The following SDHC variants were observed in gnomAD, a reference collection of about 807,000 sequenced individuals.
SDHC encodes succinate dehydrogenase cytochrome b560 subunit, mitochondrial.
Under a neutral mutation model 22.6 loss-of-function variants are expected in SDHC, and 11 were observed. The observed-to-expected ratio is 0.49, with a 90% CI of 0.31 to 0.81. SDHC has a LOEUF of 0.81. SDHC is among the 30% of genes least tolerant of loss of function. The pLI, the probability that SDHC is intolerant of heterozygous loss-of-function variation, is 0.05. For synonymous variants in SDHC, 80 were observed against 77.8 expected (o/e 1.03, Z -0.15); for missense variants, 160 against 212.0 (o/e 0.75, Z 1.52).
chr1:161,356,644 C>T (rs1020330306), intron 4 of SDHC, 33 bp from the exon 5 acceptor site: 6 of 1,610,668 alleles, frequency 3.7e-6, no homozygotes, highest in Non-Finnish European at 5.1e-6. Flanking sequence ...AACTTATGAG[C>T]AGCTGTGACA....
chr1:161,362,463 A>G lies in SDHC; in HGVS notation c.*30A>G. 1 of 1,612,414 alleles carries G rather than the reference A, an allele frequency of 6.2e-7. No homozygotes were observed. On this transcript the variant is annotated 3_prime_UTR_variant, in exon 6 of 6. Transcript: ENST00000367975. ...AGGAGGCTCCCAGCATCATCTTCCT[A>G]CACATTATTACATTCACCCATCTTT...
At chr1:161,352,804 G>A (rs746316569) in intron 4 of SDHC, among the ~76,000 whole-genome samples, 7 of 152,002 alleles carry the variant, frequency 4.6e-5, no homozygotes, top group African/African-American at 4.8e-5. Flanking sequence ...GTGAAACCTC[G>A]TCTCTACTAA....
intron 1 of SDHC, among the ~76,000 whole-genome samples, chr1:161,318,527 G>C (rs566422029): frequency 6.6e-6 from 1 of 152,250 alleles, no homozygotes; most frequent in East Asian, 1.9e-4. Flanking sequence ...TAATGTTCAT[G>C]CTCCTTAAAC....
At chr1:161,322,589 C>A (rs1670876902) in intron 1 of SDHC, among the ~76,000 whole-genome samples, 1 of 148,462 alleles carries the variant, frequency 6.7e-6, no homozygotes, top group Admixed American at 6.7e-5. Context: ...TTTTTTGAGA[C>A]AAGGTCTAGC....
intron 4 of SDHC, among the ~76,000 whole-genome samples, chr1:161,344,616 A>C (rs1671832564): frequency 6.6e-6 from 1 of 152,206 alleles, no homozygotes; most frequent in Non-Finnish European, 1.5e-5. Context: ...GTATAACTAC[A>C]GCATTTTCTT....
chr1:161,326,657 G>A (rs189803976), intron 2 of SDHC: 12 of 129,376 alleles, frequency 9.3e-5, no homozygotes, highest in Admixed American at 7.2e-4. Context: ...ACAGAGTCTC[G>A]TTCTGTCGAC....
intron 4 of SDHC, among the ~76,000 whole-genome samples, chr1:161,343,571 A>C (rs1048253198): frequency 6.6e-6 from 1 of 152,116 alleles, no homozygotes; most frequent in Non-Finnish European, 1.5e-5. Flanking sequence ...ACCTGCTTGC[A>C]CTGAACTGGT....
chr1:161,339,660 G>GTTTTTTTTT, intron 3 of SDHC: 1 of 87,230 alleles, frequency 1.1e-5, no homozygotes. Context: ...CCTGATACAG[G>GTTTTTTTTT]TGTTTTTTTT....
intron 1 of SDHC, among the ~76,000 whole-genome samples, chr1:161,318,878 AC>A (rs1038988833): frequency 6.6e-6 from 1 of 152,066 alleles, no homozygotes; most frequent in African/African-American, 2.4e-5. Flanking sequence ...TACTAAAAAT[AC>A]AAAAATTTGC....
intron 4 of SDHC, among the ~76,000 whole-genome samples, chr1:161,347,380 A>T (rs1375739575): frequency 6.6e-6 from 1 of 151,828 alleles, no homozygotes; most frequent in Non-Finnish European, 1.5e-5. Context: ...CAGCCTTCCG[A>T]GTAGCTGGGA....
chr1:161,325,607 C>T (rs942221846), intron 2 of SDHC, among the ~76,000 whole-genome samples: 20 of 151,990 alleles, frequency 1.3e-4, no homozygotes, highest in African/African-American at 4.8e-4. Context: ...CTGGATGGGG[C>T]AATGGAGAAT....
chr1:161,317,549 GGTTTTTTTTTTTT>G (rs1670666224), intron 1 of SDHC, among the ~76,000 whole-genome samples: 1 of 113,338 alleles, frequency 8.8e-6, no homozygotes, highest in African/African-American at 3.9e-5. Flanking sequence ...GTGTGTGTGT[GGTTTTTTTTTTTT>G]TTTTTTTTTT....
chr1:161,345,113 TC>T (rs945418295), intron 4 of SDHC, among the ~76,000 whole-genome samples: 1 of 152,248 alleles, frequency 6.6e-6, no homozygotes, highest in Non-Finnish European at 1.5e-5. Context: ...CTCTGGCTCT[TC>T]CCTAACTCAT....
In SDHC at chr1:161,323,735, A is replaced by G. The variant is rs914356720; in HGVS notation, c.77+65A>G. On this transcript the variant is annotated intron_variant, in intron 2 of 5. Transcript: ENST00000367975. ...TTTTGAGACGGAGTCTCGCTCTGTC[A>G]CCCAGGCTGGAGTGCAATGGCGCGA... 50 of 1,304,920 alleles carry G rather than the reference A, an allele frequency of 3.8e-5. No individual in the cohort carries two copies. In the African/African-American group the frequency reaches 5.7e-4, roughly 15 times the overall value. 80.8% of individuals were successfully genotyped at this position (1,304,920 alleles called of 1,614,324 possible). A position where few individuals can be genotyped will look rare whatever the true frequency, so the allele number is the denominator to read the frequency against.
chr1:161,314,752 A>C, intron 1 of SDHC: 1 of 392,986 alleles, frequency 2.5e-6, no homozygotes. Context: ...AAATAACTTC[A>C]AGGTCAGCCA....
chr1:161,319,674 T>C (rs1323283461), intron 1 of SDHC, among the ~76,000 whole-genome samples: 3 of 152,172 alleles, frequency 2.0e-5, no homozygotes, highest in Admixed American at 1.3e-4. Context: ...CTCAACCTCC[T>C]GACCTCAAGT....
In SDHC at chr1:161,314,417, G is replaced by T. The variant is rs745443094; in HGVS notation, c.12G>T (p.Leu4=). 2 of 1,612,628 alleles carry T rather than the reference G, an allele frequency of 1.2e-6. No individual in the cohort carries two copies. Among genetic ancestry groups the T allele is most frequent in the East Asian group, 2.2e-5 (1 of 44,714 alleles). MAA[L]LLRHVGRHCL... Reference sequence around the variant, plus strand: ...GACCGGAACCCAAGATGGCTGCGCTGTTGCTGAGGTGACTTCAGTGGGACT... The same window carrying T: ...GACCGGAACCCAAGATGGCTGCGCTTTTGCTGAGGTGACTTCAGTGGGACT... The change falls in exon 1 of 6, where the codon CTG becomes CTT. Residue 4 remains leucine (L), a synonymous_variant. Coordinates refer to ENST00000367975, the MANE Select transcript of SDHC (RefSeq NM_003001.5).
rs186178687 is a variant in SDHC at position 161,332,238 on chromosome 1, G to T, written c.179+3741G>T. On this transcript the variant is annotated intron_variant, in intron 3 of 5. Coordinates refer to ENST00000367975, the MANE Select transcript of SDHC (RefSeq NM_003001.5). ...GATCCTCTCACCTTTTTCTCCCAAA[G>T]TGTTGGGGTTACAGCTGTAAGCCAC... Among the ~76,000 whole-genome samples, 30 of 152,288 alleles carry T rather than the reference G, an allele frequency of 2.0e-4. No homozygotes were observed. In the East Asian group the frequency reaches 5.8e-3, roughly 29 times the overall value.
chr1:161,334,427 A>G (rs971821860), intron 3 of SDHC, among the ~76,000 whole-genome samples: 1 of 151,742 alleles, frequency 6.6e-6, no homozygotes, highest in East Asian at 1.9e-4. Flanking sequence ...TGTTTTTGAG[A>G]CAGGGTCTCG....
Sources: gnomAD v4.1 joint callset for allele counts (sites outside exome capture counted in the v4.1 genomes callset) on GRCh38, gnomAD v4.1.1 for gene constraint, MANE v1.5 for transcripts, NCBI Gene and HGNC (gene_info 2026-07-23, HGNC 2026-07-21) for gene names.